Variants in PCM1 observed in about 807,000 individuals in gnomAD.
PCM1 encodes the protein pericentriolar material 1.
Under a neutral mutation model 241.9 loss-of-function variants are expected in PCM1, and 157 were observed. The observed-to-expected ratio is 0.65, with a 90% CI of 0.57 to 0.74. The LOEUF (loss-of-function observed/expected upper bound fraction) is 0.74, where lower values mean the gene tolerates loss of function less well. Among genes scored for constraint, PCM1 ranks in the 30% least tolerant of loss-of-function variants. The probability of loss-of-function intolerance (pLI) is 0.00; values close to 1 mark genes in which losing one functional copy is unlikely to be tolerated. For synonymous variants in PCM1, 1,085 were observed against 784.9 expected (o/e 1.38, Z -6.39); for missense variants, 3,478 against 2,360.1 (o/e 1.47, Z -9.81).
chr8:17,958,680 A>G (rs930849549), intron 13 of PCM1, among the ~76,000 whole-genome samples: 4 of 152,056 alleles, frequency 2.6e-5, no homozygotes, highest in Non-Finnish European at 5.9e-5. Flanking sequence ...TACTCAAGTA[A>G]AAGGTGAGCG....
chr8:17,980,689 A>G lies in PCM1; in HGVS notation c.4042A>G (p.Ser1348Gly). Residue 1348 changes from serine to glycine, a missense_variant, in exon 24 of 39, where the codon AGC becomes GGC. By Grantham distance (56) the Ser-to-Gly change is moderately conservative. Coordinates refer to ENST00000325083, the MANE Select transcript of PCM1 (RefSeq NM_006197.4). ...AGAGCCTGTTCAAGCAAAAGTATTC[A>G]GCAGAAAGAATCATGAGCAACTGGA... Reference protein sequence around the residue: ...TEEPVQAKVFSRKNHEQLEKI... With the variant: ...TEEPVQAKVFGRKNHEQLEKI... 6.2e-7 allele frequency: 1 copy of G among 1,613,240 alleles called. No individual in the cohort carries two copies. Among genetic ancestry groups the G allele is most frequent in the Non-Finnish European group, 8.5e-7 (1 of 1,179,420 alleles).
intron 22 of PCM1, among the ~76,000 whole-genome samples, chr8:17,971,289 C>T (rs994528853): frequency 2.6e-5 from 4 of 152,172 alleles, no homozygotes; most frequent in African/African-American, 7.2e-5. Flanking sequence ...CTGTAGGTCA[C>T]TGTCTCCCAG....
chr8:18,000,635 G>C (rs776910660), intron 29 of PCM1, among the ~76,000 whole-genome samples: 179 of 151,574 alleles, frequency 1.2e-3, no homozygotes, highest in Non-Finnish European at 1.9e-3. Flanking sequence ...GGGGGGTGGG[G>C]TTTGAGACAG....
intron 2 of PCM1, among the ~76,000 whole-genome samples, chr8:17,930,821 A>T (rs576102757): frequency 6.6e-6 from 1 of 151,992 alleles, no homozygotes; most frequent in East Asian, 2.0e-4. Context: ...CGGAGCTTGT[A>T]GTGAGCCCAG....
chr8:17,950,590 T>C lies in PCM1; in HGVS notation c.962-25T>C, dbSNP rs189076329. 7 of 1,128,414 alleles carry C rather than the reference T, an allele frequency of 6.2e-6. No homozygotes were observed. In the African/African-American group the frequency reaches 1.1e-4, roughly 17 times the overall value. 69.9% of individuals were successfully genotyped at this position (1,128,414 alleles called of 1,614,324 possible). On this transcript the variant is annotated intron_variant, in intron 7 of 38. Transcript: ENST00000325083. ...AAAGGTGTTTGATTATTTACATTAA[T>C]CAGTAGTTACTAATTTCTTTCCAGT...
chr8:17,978,065 A>G (rs1564113091), intron 23 of PCM1, among the ~76,000 whole-genome samples: 1 of 152,246 alleles, frequency 6.6e-6, no homozygotes, highest in Admixed American at 6.5e-5. Flanking sequence ...ATAAGGGCAC[A>G]TAAGCAGATT....
At chr8:17,928,937 C>G (rs1394332370) in intron 2 of PCM1, among the ~76,000 whole-genome samples, 3 of 152,110 alleles carry the variant, frequency 2.0e-5, no homozygotes, top group East Asian at 1.9e-4. Flanking sequence ...CGACCAGTAT[C>G]TCCCTCCTTA....
intron 26 of PCM1, chr8:17,986,364 A>C (rs531216574): frequency 9.8e-6 from 2 of 203,068 alleles, no homozygotes; most frequent in South Asian, 1.9e-4. Flanking sequence ...GCTGACTCTT[A>C]AAAGACATTT....
intron 23 of PCM1, among the ~76,000 whole-genome samples, chr8:17,977,415 A>G (rs1283260847): frequency 6.6e-6 from 1 of 152,224 alleles, no homozygotes; most frequent in Non-Finnish European, 1.5e-5. Flanking sequence ...TCTAGATGGG[A>G]TATCACAGAT....
intron 2 of PCM1, chr8:17,925,150 G>C (rs537085903): frequency 6.6e-6 from 1 of 152,208 alleles, no homozygotes; most frequent in Non-Finnish European, 1.5e-5. Flanking sequence ...CTATTAATTG[G>C]CTGTTCATGA....
At chr8:17,980,486 A>C (rs1171029143) in intron 23 of PCM1, 105 bp from the exon 24 acceptor site, 5 of 827,558 alleles carry the variant, frequency 6.0e-6, no homozygotes, top group Admixed American at 2.6e-5. Context: ...AGGCCTTCCT[A>C]GCATTGTAAA....
chr8:17,948,386 C>T (rs1328296389), intron 7 of PCM1, among the ~76,000 whole-genome samples: 1 of 142,682 alleles, frequency 7.0e-6, no homozygotes, highest in African/African-American at 2.6e-5. Flanking sequence ...CTCACTGCAA[C>T]CTCTGCCTCC....
chr8:17,980,343 A>T (rs1460295057), intron 23 of PCM1: 1 of 312,634 alleles, frequency 3.2e-6, no homozygotes, highest in Non-Finnish European at 5.8e-6. Flanking sequence ...TATACTTCGA[A>T]TTGGAATATA....
At chr8:18,012,172 G>A (rs945323737) in intron 34 of PCM1, among the ~76,000 whole-genome samples, 7 of 152,124 alleles carry the variant, frequency 4.6e-5, no homozygotes, top group African/African-American at 1.7e-4. Context: ...TAATTTATAC[G>A]TTTTAAATTA....
At chr8:17,997,612 T>G (rs936163973) in intron 29 of PCM1, among the ~76,000 whole-genome samples, 1 of 152,184 alleles carries the variant, frequency 6.6e-6, no homozygotes, top group Admixed American at 6.5e-5. Flanking sequence ...GCTTGATCAA[T>G]TCTATTGAGA....
intron 2 of PCM1, among the ~76,000 whole-genome samples, chr8:17,931,997 A>G (rs1438922013): frequency 2.0e-5 from 3 of 152,164 alleles, no homozygotes; most frequent in Non-Finnish European, 4.4e-5. Context: ...GCACTTTAAT[A>G]AAGTTTCTTA....
intron 23 of PCM1, among the ~76,000 whole-genome samples, chr8:17,979,659 A>AAACATG (rs1338003232): frequency 7.2e-5 from 11 of 152,360 alleles, no homozygotes; most frequent in African/African-American, 2.6e-4. Flanking sequence ...ACAAATATAA[A>AAACATG]AACATAACCA....
At chr8:17,945,128 A>G (rs889082563) in intron 6 of PCM1, among the ~76,000 whole-genome samples, 1 of 152,138 alleles carries the variant, frequency 6.6e-6, no homozygotes, top group African/African-American at 2.4e-5. Context: ...TGAAATCATT[A>G]TAAAATTATT....
intron 2 of PCM1, among the ~76,000 whole-genome samples, chr8:17,932,887 A>G (rs1038282838): frequency 3.3e-5 from 5 of 152,182 alleles, no homozygotes; most frequent in Admixed American, 6.5e-5. Flanking sequence ...TTAAGCTCCA[A>G]TACCCTAAGG....
Sources: gnomAD v4.1 joint callset for allele counts (sites outside exome capture counted in the v4.1 genomes callset) on GRCh38, gnomAD v4.1.1 for gene constraint, MANE v1.5 for transcripts, NCBI Gene and HGNC (gene_info 2026-07-23, HGNC 2026-07-21) for gene names.